Variants in FAM163A observed in about 807,000 individuals in gnomAD.
FAM163A encodes family with sequence similarity 163 member A.
Under a neutral mutation model 12.0 loss-of-function variants are expected in FAM163A, and 7 were observed. The observed-to-expected ratio is 0.58, with a 90% confidence interval of 0.33 to 1.10. The LOEUF (loss-of-function observed/expected upper bound fraction) is 1.10. Ranked by LOEUF, FAM163A falls within the 50% of genes least tolerant of loss-of-function variation. FAM163A has a pLI of 0.03. For synonymous variants in FAM163A, 101 were observed against 91.0 expected (o/e 1.11, Z -0.62); for missense variants, 202 against 218.6 (o/e 0.92, Z 0.48).
At chr1:179,795,364 C>T (rs558470213) in intron 1 of FAM163A, among the ~76,000 whole-genome samples, 24 of 152,286 alleles carry the variant, frequency 1.6e-4, no homozygotes, top group Admixed American at 4.6e-4. Context: ...ATTTAATTGC[C>T]GTTGTAACGG....
At chr1:179,813,013 C>A (rs1281429897) in intron 3 of FAM163A, 63 bp from the exon 4 acceptor site, 72 of 1,449,726 alleles carry the variant, frequency 5.0e-5, no homozygotes, top group Non-Finnish European at 6.3e-5. Flanking sequence ...CAGGAAGACT[C>A]CCCCCGGCCC....
intron 1 of FAM163A, among the ~76,000 whole-genome samples, chr1:179,799,722 A>G (rs60175849): frequency 0.026 from 3,896 of 152,336 alleles, 109 homozygotes; most frequent in East Asian, 0.085. Flanking sequence ...CCAAACCCTT[A>G]ACAGGTTTAC....
chr1:179,807,267 T>C (rs1694070055), intron 1 of FAM163A, among the ~76,000 whole-genome samples: 2 of 152,182 alleles, frequency 1.3e-5, no homozygotes, highest in African/African-American at 2.4e-5. Context: ...CTCATCTGGC[T>C]GTCCAGTCAC....
At chr1:179,790,844 A>C (rs1310472241) in intron 1 of FAM163A, among the ~76,000 whole-genome samples, 1 of 152,218 alleles carries the variant, frequency 6.6e-6, no homozygotes, top group African/African-American at 2.4e-5. Flanking sequence ...GAAGAGACTA[A>C]GTAGAAGAAA....
the FAM163A span, among the ~76,000 whole-genome samples, chr1:179,737,859 G>A: frequency 6.6e-6 from 1 of 151,942 alleles, no homozygotes; most frequent in Non-Finnish European, 1.5e-5. Context: ...TCCTTAAAAA[G>A]CGAAGAGATG....
intron 1 of FAM163A, among the ~76,000 whole-genome samples, chr1:179,770,970 A>T (rs1688196176): frequency 6.6e-6 from 1 of 152,200 alleles, no homozygotes; most frequent in Non-Finnish European, 1.5e-5. Context: ...TGTGCCTTCA[A>T]AGTCATCCCA....
At chr1:179,743,823 A>C (rs1387745282) in intron 1 of FAM163A, among the ~76,000 whole-genome samples, 1 of 151,818 alleles carries the variant, frequency 6.6e-6, no homozygotes, top group Non-Finnish European at 1.5e-5. Flanking sequence ...GTCTGCAGCG[A>C]CCCGCTTCTC....
intron 1 of FAM163A, among the ~76,000 whole-genome samples, chr1:179,752,159 C>G (rs1370819274): frequency 6.6e-6 from 1 of 152,142 alleles, no homozygotes; most frequent in Non-Finnish European, 1.5e-5. Context: ...ATACGGTCAA[C>G]TGATGTTTGA....
chr1:179,800,588 G>T (rs1479750035), intron 1 of FAM163A, among the ~76,000 whole-genome samples: 2 of 152,222 alleles, frequency 1.3e-5, no homozygotes, highest in Non-Finnish European at 2.9e-5. Flanking sequence ...TGGGGGTCCT[G>T]AAACCAGAGG....
chr1:179,763,943 T>C (rs1687143948), intron 1 of FAM163A, among the ~76,000 whole-genome samples: 2 of 152,178 alleles, frequency 1.3e-5, no homozygotes, highest in Non-Finnish European at 2.9e-5. Flanking sequence ...GCCAGTCCCA[T>C]CCAACTCGGA....
At chr1:179,756,862 T>C (rs534857683) in intron 1 of FAM163A, among the ~76,000 whole-genome samples, 1 of 152,204 alleles carries the variant, frequency 6.6e-6, no homozygotes, top group South Asian at 2.1e-4. Context: ...AGTAGGAGTG[T>C]CTAGTCAGCA....
chr1:179,812,416 G>C (rs549081958), intron 3 of FAM163A, among the ~76,000 whole-genome samples: 5 of 152,150 alleles, frequency 3.3e-5, no homozygotes, highest in Non-Finnish European at 5.9e-5. Flanking sequence ...TGTTTTCCAG[G>C]AGGGTTTGAA....
chr1:179,765,083 G>A (rs1398037446), intron 1 of FAM163A, among the ~76,000 whole-genome samples: 1 of 152,130 alleles, frequency 6.6e-6, no homozygotes, highest in Admixed American at 6.5e-5. Flanking sequence ...CACTCCACAC[G>A]TTGTAGCAAC....
chr1:179,805,549 A>AC (rs1693816393), intron 1 of FAM163A, among the ~76,000 whole-genome samples: 1 of 152,096 alleles, frequency 6.6e-6, no homozygotes, highest in South Asian at 2.1e-4. Flanking sequence ...CGTCTCAAAA[A>AC]AAAAAAAAGG....
At chr1:179,750,877 G>T (rs1423657286) in intron 1 of FAM163A, among the ~76,000 whole-genome samples, 1 of 152,172 alleles carries the variant, frequency 6.6e-6, no homozygotes, top group Non-Finnish European at 1.5e-5. Context: ...TAGTGGTGGT[G>T]GAGAGACATA....
At chr1:179,770,254 T>C (rs1462136102) in intron 1 of FAM163A, among the ~76,000 whole-genome samples, 1 of 152,162 alleles carries the variant, frequency 6.6e-6, no homozygotes, top group African/African-American at 2.4e-5. Flanking sequence ...AATGCTGTGA[T>C]TGAATTTGCC....
chr1:179,786,018 G>A (rs1040984735), intron 1 of FAM163A, among the ~76,000 whole-genome samples: 3 of 152,136 alleles, frequency 2.0e-5, no homozygotes, highest in African/African-American at 7.2e-5. Flanking sequence ...TTTAAGACTG[G>A]TGTATGTTGC....
chr1:179,748,535 G>A (rs1399800237), intron 1 of FAM163A, among the ~76,000 whole-genome samples: 1 of 152,204 alleles, frequency 6.6e-6, no homozygotes, highest in Non-Finnish European at 1.5e-5. Flanking sequence ...GATGAGCAAG[G>A]CATGGCCCCC....
chr1:179,810,540 C>T (rs1469424009), intron 2 of FAM163A, among the ~76,000 whole-genome samples: 2 of 152,132 alleles, frequency 1.3e-5, no homozygotes, highest in Admixed American at 6.5e-5. Context: ...GTTCATTCTG[C>T]CCTCCCCACC....
Sources: allele counts gnomAD v4.1 joint callset (sites outside exome capture counted in the v4.1 genomes callset), GRCh38; gene constraint gnomAD v4.1.1; transcripts MANE v1.5; gene names NCBI Gene and HGNC (gene_info 2026-07-23, HGNC 2026-07-21).